Variants in PLCB1 observed in about 807,000 individuals in gnomAD.
PLCB1 encodes the protein phospholipase C beta 1.
A neutral mutation model predicts 161.8 loss-of-function variants in PLCB1; 46 were observed. The ratio of observed to expected loss-of-function variants is 0.28; its 90% CI spans 0.22 to 0.36. The LOEUF is 0.36. Among genes scored for constraint, PLCB1 ranks in the 10% least tolerant of loss-of-function variants. The pLI is 1.00. For missense variants in PLCB1, 1,016 were observed against 1,472.5 expected (o/e 0.69, Z 5.07); for synonymous variants, 517 against 503.7 (o/e 1.03, Z -0.35).
intron 3 of PLCB1, among the ~76,000 whole-genome samples, chr20:8,440,865 C>T (rs971383850): frequency 1.3e-5 from 2 of 151,150 alleles, no homozygotes; most frequent in African/African-American, 2.4e-5. Flanking sequence ...TGATAATTAC[C>T]GTGATCTGAT....
chr20:8,349,314 G>A (rs1986103148), intron 2 of PLCB1, among the ~76,000 whole-genome samples: 1 of 152,158 alleles, frequency 6.6e-6, no homozygotes, highest in African/African-American at 2.4e-5. Flanking sequence ...AGAGTTTTAG[G>A]TTGATATCTC....
At chr20:8,516,206 G>A (rs765930742) in intron 3 of PLCB1, among the ~76,000 whole-genome samples, 16 of 152,156 alleles carry the variant, frequency 1.1e-4, no homozygotes, top group African/African-American at 2.4e-4. Context: ...CAGCCAAACC[G>A]TATCATCATC....
At chr20:8,869,314 T>C (rs1987535296) in intron 31 of PLCB1, among the ~76,000 whole-genome samples, 2 of 152,194 alleles carry the variant, frequency 1.3e-5, no homozygotes, top group Non-Finnish European at 2.9e-5. Context: ...CAGCTGAGTC[T>C]TCCAAAAGAA....
chr20:8,746,628 G>T lies in PLCB1; in HGVS notation c.2523+5055G>T, dbSNP rs374638380. Among the ~76,000 whole-genome samples, 3 of 152,086 alleles carry T rather than the reference G, an allele frequency of 2.0e-5. No homozygotes were observed. The East Asian group carries it at 5.8e-4, about 29-fold the overall frequency. ...CCAAAGCACTGAGATTACAGGGGTG[G>T]TTCACCATGCCTGGCCATGAAGCTT... On this transcript the variant is annotated intron_variant, in intron 23 of 31. Coordinates refer to ENST00000338037, the MANE Select transcript of PLCB1 (RefSeq NM_015192.4).
intron 9 of PLCB1, among the ~76,000 whole-genome samples, chr20:8,669,689 A>G (rs1323092534): frequency 6.6e-6 from 1 of 152,228 alleles, no homozygotes; most frequent in East Asian, 1.9e-4. Context: ...TGCTGAAGGC[A>G]TCTGAAGAGG....
chr20:8,231,551 A>G (rs947435233), intron 2 of PLCB1, among the ~76,000 whole-genome samples: 2 of 152,218 alleles, frequency 1.3e-5, no homozygotes, highest in Admixed American at 6.5e-5. Flanking sequence ...ATGTTGGTAT[A>G]CATGCTGAAT....
At chr20:8,345,648 A>G (rs1432075313) in intron 2 of PLCB1, among the ~76,000 whole-genome samples, 1 of 152,118 alleles carries the variant, frequency 6.6e-6, no homozygotes, top group Non-Finnish European at 1.5e-5. Flanking sequence ...GTGACATCCA[A>G]AATATTCCTA....
At chr20:8,374,920 A>C (rs1600353516) in intron 3 of PLCB1, among the ~76,000 whole-genome samples, 1 of 152,302 alleles carries the variant, frequency 6.6e-6, no homozygotes, top group Non-Finnish European at 1.5e-5. Context: ...TCATTACATA[A>C]AAATTCAAGA....
intron 2 of PLCB1, among the ~76,000 whole-genome samples, chr20:8,364,664 A>G (rs928978944): frequency 2.6e-5 from 4 of 152,228 alleles, no homozygotes; most frequent in Admixed American, 2.6e-4. Context: ...TCTGTGCTGA[A>G]CTTTATGTCA....
At chr20:8,253,180 G>GA (rs1387144099) in intron 2 of PLCB1, among the ~76,000 whole-genome samples, 1 of 150,948 alleles carries the variant, frequency 6.6e-6, no homozygotes, top group African/African-American at 2.4e-5. Flanking sequence ...CACCAAGCTG[G>GA]AATTCAGAGG....
intron 9 of PLCB1, among the ~76,000 whole-genome samples, chr20:8,676,080 A>G (rs1990065912): frequency 6.6e-6 from 1 of 152,266 alleles, no homozygotes; most frequent in Non-Finnish European, 1.5e-5. Context: ...AGATGAAAGC[A>G]GGCTACAGGC....
At chr20:8,425,861 C>A (rs972699322) in intron 3 of PLCB1, among the ~76,000 whole-genome samples, 1 of 150,830 alleles carries the variant, frequency 6.6e-6, no homozygotes, top group Non-Finnish European at 1.5e-5. Flanking sequence ...TTCACTACAT[C>A]CAATTTCAGA....
intron 3 of PLCB1, among the ~76,000 whole-genome samples, chr20:8,452,858 T>C (rs1419863108): frequency 6.6e-6 from 1 of 152,086 alleles, no homozygotes; most frequent in Non-Finnish European, 1.5e-5. Flanking sequence ...GTGAGTAGAG[T>C]GTGCAAGATG....
At chr20:8,302,692 G>A (rs186982945) in intron 2 of PLCB1, among the ~76,000 whole-genome samples, 9 of 152,124 alleles carry the variant, frequency 5.9e-5, no homozygotes, top group South Asian at 2.1e-4. Flanking sequence ...AGTTACATAC[G>A]CTAATGCCTC....
chr20:8,429,246 AGG>A (rs1483983661), intron 3 of PLCB1, among the ~76,000 whole-genome samples: 1 of 152,236 alleles, frequency 6.6e-6, no homozygotes, highest in Non-Finnish European at 1.5e-5. Context: ...TTTGCAGAGT[AGG>A]AACAATGGAC....
intron 3 of PLCB1, among the ~76,000 whole-genome samples, chr20:8,494,562 A>G (rs1983080464): frequency 6.6e-6 from 1 of 152,210 alleles, no homozygotes; most frequent in Non-Finnish European, 1.5e-5. Context: ...TGAATGAAAT[A>G]CTTTAGGAAG....
chr20:8,715,455 C>T (rs1282620999), intron 12 of PLCB1, among the ~76,000 whole-genome samples: 2 of 152,200 alleles, frequency 1.3e-5, no homozygotes, highest in Admixed American at 6.5e-5. Context: ...CTTCTCAGCA[C>T]CCTCTGTCCC....
At chr20:8,792,791 C>A (rs1466499637) in intron 31 of PLCB1, 1 of 366,214 alleles carries the variant, frequency 2.7e-6, no homozygotes, top group Non-Finnish European at 5.4e-6. Flanking sequence ...TGACTGTTAA[C>A]ATTGTAGGAC....
At chr20:8,612,411 C>T (rs1987930165) in intron 3 of PLCB1, among the ~76,000 whole-genome samples, 1 of 152,124 alleles carries the variant, frequency 6.6e-6, no homozygotes, top group South Asian at 2.1e-4. Flanking sequence ...CTCATCTTTG[C>T]CGTCCATTGG....
Sources: allele counts gnomAD v4.1 joint callset (sites outside exome capture counted in the v4.1 genomes callset), GRCh38; gene constraint gnomAD v4.1.1; transcripts MANE v1.5; gene names NCBI Gene and HGNC (gene_info 2026-07-23, HGNC 2026-07-21).